The following OTOGL variants were observed in gnomAD, a reference collection of about 807,000 sequenced individuals.
OTOGL encodes otogelin like, also known as otogelin-like protein.
A neutral mutation model predicts 318.5 loss-of-function variants in OTOGL; 285 were observed. That is an observed-to-expected ratio of 0.89 (90% confidence interval 0.81 to 0.99). OTOGL has a LOEUF of 0.99. Among genes scored for constraint, OTOGL ranks in the 50% least tolerant of loss-of-function variants. OTOGL has a pLI of 0.00. For missense variants in OTOGL, 2,899 were observed against 2,845.6 expected, an observed-to-expected ratio of 1.02 and a Z score of -0.43; for synonymous variants, 987 against 936.5, an observed-to-expected ratio of 1.05 and a Z score of -0.99.
Position 80,239,443 on chromosome 12 carries a change from A to G in OTOGL, c.1052+4A>G, listed in dbSNP as rs753108699. On this transcript the variant is annotated splice_donor_region_variant and intron_variant, in intron 11 of 58. Coordinates refer to ENST00000547103, the MANE Select transcript of OTOGL (RefSeq NM_001378609.3). ...GCTGTGTTAATGATCTTTGCAAGTA[A>G]GTGAAATGACTTGTAGTTGTAATAA... is the stretch of plus-strand genomic sequence containing the variant. 7.1e-6 allele frequency: 11 copies of G among 1,545,916 alleles called. No individual in the cohort carries two copies. Among genetic ancestry groups the G allele is most frequent in the Non-Finnish European group, 9.7e-6 (11 of 1,137,184 alleles).
chr12:80,129,376 T>G (rs192460940), intron 1 of OTOGL, among the ~76,000 whole-genome samples: 16 of 152,328 alleles, frequency 1.1e-4, no homozygotes, highest in Admixed American at 9.8e-4. Flanking sequence ...TTTAGTCATA[T>G]TTTTCTATGT....
intron 38 of OTOGL, among the ~76,000 whole-genome samples, chr12:80,333,330 A>G (rs1485115126): frequency 1.3e-5 from 2 of 151,390 alleles, no homozygotes; most frequent in African/African-American, 2.4e-5. Context: ...ATAAAGAGTT[A>G]TCTAGTATGG....
chr12:80,153,825 T>A (rs966425593), intron 1 of OTOGL, among the ~76,000 whole-genome samples: 2 of 152,168 alleles, frequency 1.3e-5, no homozygotes, highest in Non-Finnish European at 2.9e-5. Flanking sequence ...ACATTTCAGA[T>A]TGGCTTTTTT....
Position 80,152,932 on chromosome 12 carries a change from G to A in OTOGL, c.-20+53327G>A, listed in dbSNP as rs373784979. On this transcript the variant is annotated intron_variant, in intron 1 of 58. Transcript: ENST00000547103. ...AGGTGCCAATTTCGTAACCTCAGGT[G>A]GTCCACCTGCCTCGGCCTCCCAAAG... Among the ~76,000 whole-genome samples the A allele has an allele frequency of 2.6e-5, 4 of 152,170 alleles. No individual in the cohort carries two copies. In the South Asian group the frequency reaches 8.3e-4, roughly 32 times the overall value.
At chr12:80,328,792 A>T in intron 36 of OTOGL, 48 bp downstream of exon 36, 1 of 1,492,270 alleles carries the variant, frequency 6.7e-7, no homozygotes, top group Non-Finnish European at 9.3e-7. Flanking sequence ...ATACGCTTGC[A>T]TATGTTTTTT....
chr12:80,228,550 A>G (rs1179042678), intron 7 of OTOGL, among the ~76,000 whole-genome samples: 2 of 152,216 alleles, frequency 1.3e-5, no homozygotes, highest in Non-Finnish European at 1.5e-5. Flanking sequence ...TTTTAGGCTT[A>G]GAAAGTTCTT....
In OTOGL at chr12:80,320,536, G is replaced by C. The variant is rs779190788; in HGVS notation, c.3917G>C (p.Arg1306Thr). The change falls in exon 34 of 59, where the codon AGA (arginine) becomes ACA (threonine). Residue 1306 changes from arginine (R) to threonine (T), a missense_variant. By Grantham distance (71) the Arg-to-Thr change is moderately conservative. Transcript: ENST00000547103. ...GAGGCGAATTCAGCCTTTCATCGGA[G>C]AGCAACATTTTTCCACCATCAGGGC... ...LWEANSAFHR[R>T]ATFFHHQGLW... The C allele has an allele frequency of 1.2e-6, 2 of 1,613,584 alleles. No individual in the cohort carries two copies. The highest frequency in any genetic ancestry group is 2.2e-5 in the South Asian group (2 of 91,048).
At chr12:80,107,461 G>A (rs1010839814) in intron 1 of OTOGL, among the ~76,000 whole-genome samples, 9 of 152,188 alleles carry the variant, frequency 5.9e-5, no homozygotes, top group Non-Finnish European at 1.3e-4. Flanking sequence ...AGATGCTAGT[G>A]AGGTTGCGGA....
chr12:80,102,518 G>T (rs1281777644), intron 1 of OTOGL, among the ~76,000 whole-genome samples: 2 of 152,114 alleles, frequency 1.3e-5, no homozygotes, highest in African/African-American at 4.8e-5. Context: ...TTAGCTTTAA[G>T]TATTTCTTGA....
At chr12:80,373,268 C>G (rs1890990248) in intron 57 of OTOGL, among the ~76,000 whole-genome samples, 1 of 152,014 alleles carries the variant, frequency 6.6e-6, no homozygotes, top group Non-Finnish European at 1.5e-5. Flanking sequence ...CCCGTCTCTA[C>G]TAAAAATACA....
At chr12:80,126,440 G>A (rs1029981152) in intron 1 of OTOGL, among the ~76,000 whole-genome samples, 1 of 152,128 alleles carries the variant, frequency 6.6e-6, no homozygotes, top group Non-Finnish European at 1.5e-5. Context: ...TACATTTGCT[G>A]AGGAGTGCTT....
intron 1 of OTOGL, among the ~76,000 whole-genome samples, chr12:80,149,521 G>C (rs1402591530): frequency 6.6e-6 from 1 of 152,074 alleles, no homozygotes; most frequent in Non-Finnish European, 1.5e-5. Context: ...CTGTCTTTTT[G>C]TTTGTCTGTG....
intron 1 of OTOGL, among the ~76,000 whole-genome samples, chr12:80,141,586 C>G (rs1871949594): frequency 1.3e-5 from 2 of 152,074 alleles, no homozygotes; most frequent in Non-Finnish European, 2.9e-5. Context: ...TAACAACAGG[C>G]AGACTTGTTT....
chr12:80,251,698 A>G lies in OTOGL; in HGVS notation c.1058A>G (p.Asp353Gly). Residue 353 changes from aspartate (D) to glycine (G), a missense_variant, in exon 12 of 59, where the codon GAT becomes GGT. By Grantham distance (94) the Asp-to-Gly change is moderately conservative (BLOSUM62 -1). Coordinates refer to ENST00000547103, the MANE Select transcript of OTOGL (RefSeq NM_001378609.3). ...ASCVNDLCKT[D>G]DDETYCRAAT... ...TCTGTCTTTTCACTTTCTAGAACTG[A>G]TGATGATGAAACCTATTGCCGAGCA... is the stretch of plus-strand genomic sequence containing the variant. 6.3e-7 allele frequency: 1 copy of G among 1,583,468 alleles called. No individual in the cohort carries two copies. The highest frequency in any genetic ancestry group is 8.6e-7 in the Non-Finnish European group (1 of 1,163,092).
intron 52 of OTOGL, among the ~76,000 whole-genome samples, chr12:80,359,743 A>G (rs1234476668): frequency 2.0e-5 from 3 of 152,216 alleles, no homozygotes; most frequent in Admixed American, 6.5e-5. Flanking sequence ...AAACTTTACA[A>G]ATAACTTTCA....
chr12:80,185,579 G>T (rs1875232497), intron 1 of OTOGL, among the ~76,000 whole-genome samples: 1 of 152,186 alleles, frequency 6.6e-6, no homozygotes, highest in Admixed American at 6.5e-5. Context: ...GTGAGCCACT[G>T]CACCCGGCCA....
At chr12:80,286,775 C>T (rs1884660673) in intron 26 of OTOGL, among the ~76,000 whole-genome samples, 1 of 152,036 alleles carries the variant, frequency 6.6e-6, no homozygotes, top group Admixed American at 6.6e-5. Context: ...AAAATCTTCT[C>T]TCTTTTCTTC....
chr12:80,206,163 C>A (rs1320104763), intron 1 of OTOGL, among the ~76,000 whole-genome samples: 1 of 152,320 alleles, frequency 6.6e-6, no homozygotes, highest in East Asian at 1.9e-4. Context: ...CTGTCAATTA[C>A]ATTTTGACAG....
In OTOGL at chr12:80,356,446, T is replaced by A; in HGVS notation, c.5837T>A (p.Ile1946Asn). ...GCDTTLCETSIPTCTNSQKLI... is the reference protein window; with the variant it reads ...GCDTTLCETSNPTCTNSQKLI... ...GACACGACTTTGTGTGAAACTAGCA[T>A]TCCAACATGTACAAATAGTCAAAAA... Residue 1946 changes from isoleucine (I) to asparagine (N), a missense_variant, in exon 48 of 59, where the codon ATT (isoleucine) becomes AAT (asparagine). By Grantham distance (149) the Ile-to-Asn change is moderately radical. This residue lies in a region of OTOGL where 2,607 missense variants were observed against 2,524.9 expected (regional missense o/e 1.03). Coordinates refer to ENST00000547103, the MANE Select transcript of OTOGL (RefSeq NM_001378609.3). The A allele has an allele frequency of 6.2e-7, 1 of 1,611,974 alleles. No individual in the cohort carries two copies. The highest frequency in any genetic ancestry group is 8.5e-7 in the Non-Finnish European group (1 of 1,179,018).
Sources: gnomAD v4.1 joint callset for allele counts (sites outside exome capture counted in the v4.1 genomes callset) on GRCh38, gnomAD v4.1.1 for gene constraint, gnomAD v4.1.1 regional missense constraint, MANE v1.5 for transcripts, NCBI Gene and HGNC (gene_info 2026-07-23, HGNC 2026-07-21) for gene names.